Variants in RABGAP1L observed in about 807,000 individuals in gnomAD.
RABGAP1L encodes the protein RAB GTPase activating protein 1 like, also known as rab GTPase-activating protein 1-like.
In RABGAP1L, 63 loss-of-function variants were observed where a neutral mutation model predicts 137.7. The observed-to-expected ratio is 0.46, with a 90% CI of 0.37 to 0.56. The LOEUF (loss-of-function observed/expected upper bound fraction) is 0.56, where lower values mean the gene tolerates loss of function less well. Among genes scored for constraint, RABGAP1L ranks in the 20% least tolerant of loss-of-function variants. RABGAP1L has a pLI of 0.00. For synonymous variants in RABGAP1L, 431 were observed against 433.7 expected, an observed-to-expected ratio of 0.99 and a Z score of 0.08; for missense variants, 1,095 against 1,244.0, an observed-to-expected ratio of 0.88 and a Z score of 1.80.
intron 12 of RABGAP1L, among the ~76,000 whole-genome samples, chr1:174,383,571 G>A (rs573289090): frequency 2.6e-5 from 4 of 151,486 alleles, no homozygotes; most frequent in Admixed American, 6.6e-5. Context: ...GTCCGTCACC[G>A]CTTTCTTTGA....
intron 13 of RABGAP1L, among the ~76,000 whole-genome samples, chr1:174,623,769 TA>T (rs1427447722): frequency 6.6e-6 from 1 of 152,166 alleles, no homozygotes; most frequent in Non-Finnish European, 1.5e-5. Context: ...GTCTTAGTCA[TA>T]AATAACATTG....
intron 13 of RABGAP1L, among the ~76,000 whole-genome samples, chr1:174,412,931 C>A (rs530940782): frequency 6.6e-6 from 1 of 152,142 alleles, no homozygotes; most frequent in East Asian, 1.9e-4. Flanking sequence ...AGTCTTGTGA[C>A]TATATATCCT....
intron 5 of RABGAP1L, among the ~76,000 whole-genome samples, chr1:174,247,978 A>G (rs578240983): frequency 3.9e-5 from 6 of 152,324 alleles, no homozygotes; most frequent in African/African-American, 1.4e-4. Context: ...ATGTATAAAA[A>G]TCAGACAGTA....
chr1:174,458,637 A>G (rs989511621), intron 13 of RABGAP1L, among the ~76,000 whole-genome samples: 1 of 152,128 alleles, frequency 6.6e-6, no homozygotes, highest in Non-Finnish European at 1.5e-5. Context: ...GCTAATCTAC[A>G]TTACTTATAT....
At chr1:174,833,439 T>A (rs943468144) in intron 19 of RABGAP1L, among the ~76,000 whole-genome samples, 6 of 72,684 alleles carry the variant, frequency 8.3e-5, no homozygotes, top group African/African-American at 1.3e-4. Context: ...TATATGTGTG[T>A]GTGTGTAGAG....
intron 1 of RABGAP1L, among the ~76,000 whole-genome samples, chr1:174,213,640 G>A (rs1669069689): frequency 6.6e-6 from 1 of 152,032 alleles, no homozygotes; most frequent in African/African-American, 2.4e-5. Context: ...ACAATCAGTG[G>A]GATTTATCCC....
chr1:174,373,511 A>G (rs752651484), intron 12 of RABGAP1L, among the ~76,000 whole-genome samples: 15 of 152,308 alleles, frequency 9.8e-5, no homozygotes, highest in African/African-American at 3.4e-4. Context: ...AGAGGGCTGC[A>G]TCCTGGTTGC....
chr1:174,279,765 C>T (rs982279665), intron 10 of RABGAP1L, among the ~76,000 whole-genome samples: 4 of 152,018 alleles, frequency 2.6e-5, no homozygotes, highest in African/African-American at 7.2e-5. Context: ...CTTCAGTCTC[C>T]TGAGCATCTT....
chr1:174,857,860 G>A (rs528782589), intron 19 of RABGAP1L, among the ~76,000 whole-genome samples: 1 of 152,212 alleles, frequency 6.6e-6, no homozygotes, highest in South Asian at 2.1e-4. Context: ...TACTAATTCA[G>A]TGACTCATTT....
At chr1:174,338,431 A>G (rs919142638) in intron 11 of RABGAP1L, among the ~76,000 whole-genome samples, 2 of 152,162 alleles carry the variant, frequency 1.3e-5, no homozygotes, top group African/African-American at 4.8e-5. Context: ...TTAAGGAGTA[A>G]TTGACCTTTG....
chr1:174,175,970 G>A (rs1213242027), intron 1 of RABGAP1L, among the ~76,000 whole-genome samples: 1 of 152,100 alleles, frequency 6.6e-6, no homozygotes, highest in Non-Finnish European at 1.5e-5. Context: ...TAACAGTTTA[G>A]CGAGAAGACA....
intron 13 of RABGAP1L, among the ~76,000 whole-genome samples, chr1:174,609,599 G>A (rs1671037791): frequency 1.3e-5 from 2 of 152,058 alleles, no homozygotes. Flanking sequence ...ACACTGAATG[G>A]GAATTTTCTG....
intron 14 of RABGAP1L, among the ~76,000 whole-genome samples, chr1:174,681,866 T>C (rs1187336465): frequency 6.6e-6 from 1 of 152,170 alleles, no homozygotes. Flanking sequence ...AAAATCAAAA[T>C]ACATTCTATT....
chr1:174,881,492 C>CTTTTTTT (rs751296977), intron 19 of RABGAP1L, among the ~76,000 whole-genome samples: 14 of 85,818 alleles, frequency 1.6e-4, no homozygotes, highest in African/African-American at 4.3e-4. Context: ...ATATCATTTG[C>CTTTTTTT]TTTTTTTTTT....
rs199628685 is a variant in RABGAP1L at position 174,342,740 on chromosome 1, A to AT, written c.1466-28222dup. On this transcript the variant is annotated intron_variant, in intron 11 of 25. Coordinates refer to ENST00000681986, the MANE Select transcript of RABGAP1L (RefSeq NM_001366446.1). ...CCCACCAATTCTAATTCTCAGAAGAATTTTTTTTTTTTTTTTTGAGATGGA... is the reference window on the plus strand; with the variant it reads ...CCCACCAATTCTAATTCTCAGAAGAATTTTTTTTTTTTTTTTTTGAGATGGA... Among the ~76,000 whole-genome samples the AT allele has an allele frequency of 6.2e-3, 885 of 143,366 alleles. 5 individuals are homozygous for AT. The highest frequency in any genetic ancestry group is 6.6e-3 in the Non-Finnish European group (431 of 64,882). 94.1% of individuals were successfully genotyped at this position (143,366 alleles called of 152,430 possible).
chr1:174,421,604 T>G (rs1289153030), intron 13 of RABGAP1L, among the ~76,000 whole-genome samples: 1 of 152,254 alleles, frequency 6.6e-6, no homozygotes, highest in Non-Finnish European at 1.5e-5. Flanking sequence ...ATTTCCTTTA[T>G]TTGAACATTC....
chr1:174,267,201 T>C (rs1158635319), intron 7 of RABGAP1L, among the ~76,000 whole-genome samples: 2 of 152,208 alleles, frequency 1.3e-5, no homozygotes, highest in African/African-American at 2.4e-5. Flanking sequence ...CTGGAGATTA[T>C]GCAATTTCTT....
intron 19 of RABGAP1L, among the ~76,000 whole-genome samples, chr1:174,947,280 A>G (rs983918575): frequency 6.7e-6 from 1 of 150,226 alleles, no homozygotes; most frequent in Non-Finnish European, 1.5e-5. Context: ...GGGTTTCACC[A>G]TGTTGATCAG....
chr1:174,732,010 G>C (rs1479020877), intron 17 of RABGAP1L, among the ~76,000 whole-genome samples: 1 of 152,180 alleles, frequency 6.6e-6, no homozygotes, highest in Non-Finnish European at 1.5e-5. Flanking sequence ...AGACCATCCT[G>C]GCCAACATGG....
Sources: allele counts gnomAD v4.1 joint callset (sites outside exome capture counted in the v4.1 genomes callset), GRCh38; gene constraint gnomAD v4.1.1; transcripts MANE v1.5; gene names NCBI Gene and HGNC (gene_info 2026-07-23, HGNC 2026-07-21).